The following CBFA2T3 variants were observed in gnomAD, a reference collection of about 807,000 sequenced individuals.
CBFA2T3 encodes transcriptional corepressor CBFA2T3.
A neutral mutation model predicts 58.6 loss-of-function variants in CBFA2T3; 31 were observed. That is an observed-to-expected ratio of 0.53 (90% CI 0.40 to 0.71). The LOEUF (loss-of-function observed/expected upper bound fraction) is 0.71. CBFA2T3 is among the 30% of genes least tolerant of loss of function. The pLI, the probability that CBFA2T3 is intolerant of heterozygous loss-of-function variation, is 0.00. For synonymous variants in CBFA2T3, 531 were observed against 421.9 expected (o/e 1.26, Z -3.17); for missense variants, 1,076 against 963.1 (o/e 1.12, Z -1.55).
At chr16:88,899,507 C>T (rs1051557900) in intron 2 of CBFA2T3, among the ~76,000 whole-genome samples, 8 of 152,178 alleles carry the variant, frequency 5.3e-5, no homozygotes, top group Non-Finnish European at 1.0e-4. Context: ...GACCCCAAGG[C>T]GGGCTGGGAG....
Position 88,885,915 on chromosome 16 carries a change from C to A in CBFA2T3, c.893+46G>T. ...ACCCAGAGGGGAGCAGGGTGAGCCG[C>A]GTGTCCACGGCACCCCCAGCCCAGA... is the stretch of plus-strand genomic sequence containing the variant. On this transcript the variant is annotated intron_variant, in intron 6 of 11. Coordinates refer to ENST00000268679, the MANE Select transcript of CBFA2T3 (RefSeq NM_005187.6). This position sits in a 1 kb window ranked among gnomAD's most constrained non-coding sequence, Gnocchi z 5.3. 1.3e-6 allele frequency: 2 copies of A among 1,486,848 alleles called. No individual in the cohort carries two copies. Among genetic ancestry groups the A allele is most frequent in the Non-Finnish European group, 1.8e-6 (2 of 1,095,224 alleles). The allele number at this position is 1,486,848 out of a possible 1,614,324, so 92.1% of individuals were successfully genotyped here.
chr16:88,891,981 A>G lies in CBFA2T3; in HGVS notation c.622-10T>C. Reference sequence around the variant, plus strand: ...TCGTCAATGTCGAGTTCTGCAGGGGAGAAAACCCACCTCACATCAGCACCG... The same window carrying G: ...TCGTCAATGTCGAGTTCTGCAGGGGGGAAAACCCACCTCACATCAGCACCG... On this transcript the variant is annotated splice_polypyrimidine_tract_variant and intron_variant, in intron 4 of 11. Coordinates refer to ENST00000268679, the MANE Select transcript of CBFA2T3 (RefSeq NM_005187.6). The G allele has an allele frequency of 9.3e-6, 15 of 1,608,728 alleles. No individual in the cohort carries two copies. The highest frequency in any genetic ancestry group is 1.3e-5 in the Non-Finnish European group (15 of 1,176,116).
chr16:88,962,939 C>G (rs1567637211), intron 1 of CBFA2T3, among the ~76,000 whole-genome samples: 1 of 152,182 alleles, frequency 6.6e-6, no homozygotes, highest in African/African-American at 2.4e-5. Flanking sequence ...TTGATTTCCA[C>G]AGGGCCTCCA....
At chr16:88,960,773 C>T (rs1391683903) in intron 1 of CBFA2T3, among the ~76,000 whole-genome samples, 1 of 152,214 alleles carries the variant, frequency 6.6e-6, no homozygotes, top group Admixed American at 6.6e-5. Context: ...AGAAACAAAC[C>T]TTGTTTACAC....
chr16:88,964,956 C>A (rs1972461243), intron 1 of CBFA2T3, among the ~76,000 whole-genome samples: 1 of 151,182 alleles, frequency 6.6e-6, no homozygotes, highest in Non-Finnish European at 1.5e-5. Context: ...ATCCATCTAT[C>A]CATCTATCCA....
chr16:88,899,478 G>A (rs8056536), intron 2 of CBFA2T3, among the ~76,000 whole-genome samples: 310 of 152,310 alleles, frequency 2.0e-3, no homozygotes, highest in African/African-American at 7.1e-3. Flanking sequence ...AACCAGCTGG[G>A]ACCTCACCCC....
At chr16:88,966,658 G>A (rs1306804082) in intron 1 of CBFA2T3, among the ~76,000 whole-genome samples, 1 of 152,136 alleles carries the variant, frequency 6.6e-6, no homozygotes, top group Admixed American at 6.5e-5. Context: ...CAGGAGCAAT[G>A]GACACTCTTG....
At chr16:88,887,529 C>T (rs1370184196) in intron 5 of CBFA2T3, among the ~76,000 whole-genome samples, 6 of 152,116 alleles carry the variant, frequency 3.9e-5, no homozygotes, top group Admixed American at 1.3e-4. Context: ...GACCCTTGGG[C>T]TGCGTGTGGG....
chr16:88,931,015 T>C (rs1300076661), intron 1 of CBFA2T3, among the ~76,000 whole-genome samples: 4 of 151,892 alleles, frequency 2.6e-5, no homozygotes, highest in Non-Finnish European at 5.9e-5. Context: ...AAACGTTATG[T>C]GTATTTTCCC....
At chr16:88,922,844 C>T (rs1049860265) in intron 1 of CBFA2T3, among the ~76,000 whole-genome samples, 27 of 152,244 alleles carry the variant, frequency 1.8e-4, no homozygotes, top group Non-Finnish European at 3.2e-4. Flanking sequence ...CTCATTTAAC[C>T]TCGGCAGCAC....
At chr16:88,908,709 G>A (rs547678027) in intron 1 of CBFA2T3, among the ~76,000 whole-genome samples, 8 of 152,306 alleles carry the variant, frequency 5.3e-5, no homozygotes, top group Non-Finnish European at 7.3e-5. Context: ...TCGTACCCTC[G>A]CCAGCTCTGG....
chr16:88,916,167 C>CATGT (rs1970715421), intron 1 of CBFA2T3, among the ~76,000 whole-genome samples: 2 of 131,876 alleles, frequency 1.5e-5, no homozygotes, highest in Non-Finnish European at 3.2e-5. Context: ...TGTATTCATG[C>CATGT]GTGTATTCAT....
At chr16:88,918,444 C>A (rs1970809684) in intron 1 of CBFA2T3, among the ~76,000 whole-genome samples, 1 of 152,226 alleles carries the variant, frequency 6.6e-6, no homozygotes, top group Non-Finnish European at 1.5e-5. Context: ...AGGTCCCAGC[C>A]CACAGCCGTG....
intron 1 of CBFA2T3, among the ~76,000 whole-genome samples, chr16:88,967,427 G>A (rs563050741): frequency 5.9e-5 from 9 of 152,192 alleles, no homozygotes; most frequent in East Asian, 1.9e-4. Flanking sequence ...GCTGCCATGC[G>A]TCCACCTGTT....
intron 10 of CBFA2T3, among the ~76,000 whole-genome samples, chr16:88,880,422 C>A: frequency 6.6e-6 from 1 of 152,264 alleles, no homozygotes. Context: ...GCCTGACGCG[C>A]CCAGGCTCCG....
chr16:88,902,817 G>A (rs748028333), intron 1 of CBFA2T3, among the ~76,000 whole-genome samples: 6 of 152,050 alleles, frequency 3.9e-5, no homozygotes, highest in African/African-American at 1.2e-4. Flanking sequence ...GCTGAATACC[G>A]GACTGCCCCG....
rs989097701 is a variant in CBFA2T3 at position 88,958,678 on chromosome 16, C to T, written c.151+17979G>A. Among the ~76,000 whole-genome samples the T allele has an allele frequency of 3.3e-5, 5 of 152,060 alleles. No individual in the cohort carries two copies. The highest frequency in any genetic ancestry group is 5.9e-5 in the Non-Finnish European group (4 of 67,988). ...ACCTTTGGAGGGAGACAAACTCGCT[C>T]CCCCAGGGCCGGGGGCTGGGGGCCT... On this transcript the variant is annotated intron_variant, in intron 1 of 11. Transcript: ENST00000268679. This position sits in a 1 kb window ranked among gnomAD's most constrained non-coding sequence, Gnocchi z 4.0.
chr16:88,921,659 G>T (rs1055980210), intron 1 of CBFA2T3, among the ~76,000 whole-genome samples: 1 of 152,206 alleles, frequency 6.6e-6, no homozygotes, highest in Admixed American at 6.5e-5. Context: ...CTGCCTTAAG[G>T]CTGGGGTGGT....
chr16:88,962,185 C>T (rs1429606598), intron 1 of CBFA2T3, among the ~76,000 whole-genome samples: 1 of 152,228 alleles, frequency 6.6e-6, no homozygotes, highest in African/African-American at 2.4e-5. Flanking sequence ...TGGGCATTCC[C>T]ACTCCATAGT....
Sources: gnomAD v4.1 joint callset for allele counts (sites outside exome capture counted in the v4.1 genomes callset) on GRCh38, gnomAD v4.1.1 for gene constraint, Gnocchi (gnomAD v3.1) non-coding constraint, MANE v1.5 for transcripts, NCBI Gene and HGNC (gene_info 2026-07-23, HGNC 2026-07-21) for gene names.